The following PTPRK variants were observed in gnomAD, a reference collection of about 807,000 sequenced individuals.
The protein encoded by PTPRK is receptor-type tyrosine-protein phosphatase kappa.
In PTPRK, 75 loss-of-function variants were observed where a neutral mutation model predicts 178.0. The ratio of observed to expected loss-of-function variants is 0.42; its 90% confidence interval spans 0.35 to 0.51. PTPRK has a LOEUF of 0.51. Among genes scored for constraint, PTPRK ranks in the 20% least tolerant of loss-of-function variants. The pLI is 0.02. For synonymous variants in PTPRK, 637 were observed against 620.6 expected (o/e 1.03, Z -0.39); for missense variants, 1,441 against 1,797.8 (o/e 0.80, Z 3.59).
chr6:128,092,826 C>G (rs1229055074), intron 7 of PTPRK, among the ~76,000 whole-genome samples: 1 of 152,122 alleles, frequency 6.6e-6, no homozygotes, highest in South Asian at 2.1e-4. Context: ...CCAACAACTG[C>G]ATTGTATTTC....
rs183471790 is a variant in PTPRK at position 128,046,256 on chromosome 6, G to C, written c.2194+18502C>G. 2.8e-3 allele frequency among the ~76,000 whole-genome samples: 421 copies of C among 152,236 alleles called. 3 individuals carry two copies. In the South Asian group the frequency reaches 0.032, roughly 11 times the overall value. On this transcript the variant is annotated intron_variant, in intron 13 of 29. Transcript: ENST00000368226. ...TCAGGAAAAGAAAAACCTTAAATCA[G>C]ATTAATTTTTGACAACTTGTGCATA...
chr6:128,041,702 C>T (rs1297163686), intron 13 of PTPRK, among the ~76,000 whole-genome samples: 4 of 151,584 alleles, frequency 2.6e-5, no homozygotes, highest in African/African-American at 9.7e-5. Flanking sequence ...TGAACTGCCA[C>T]TACATATAGA....
intron 3 of PTPRK, among the ~76,000 whole-genome samples, chr6:128,284,996 A>G (rs1466232934): frequency 3.3e-5 from 5 of 152,210 alleles, no homozygotes; most frequent in Non-Finnish European, 5.9e-5. Context: ...AAAAGAATAT[A>G]AAGTTGAATG....
At chr6:128,518,687 T>C (rs1858466075) in intron 1 of PTPRK, among the ~76,000 whole-genome samples, 1 of 152,242 alleles carries the variant, frequency 6.6e-6, no homozygotes, top group Non-Finnish European at 1.5e-5. Context: ...CAGAAATGCA[T>C]GCAGTAATGC....
Position 127,998,871 on chromosome 6 carries a change from C to T in PTPRK, c.2528G>A (p.Arg843His), listed in dbSNP as rs201761262. The change falls in exon 16 of 30, where the codon CGC (arginine) becomes CAC (histidine). Residue 843 changes from arginine (R) to histidine (H), a missense_variant. By Grantham distance (29) the Arg-to-His change is conservative. Coordinates refer to ENST00000368226, the MANE Select transcript of PTPRK (RefSeq NM_002844.4). The stretch of plus-strand genomic sequence containing the variant: ...GAGGTAGCGAGGTACGTCTAGAAGG[C>T]GACTGGACTCTGCTGTAGCACTGTG... ...ENHSATAESS[R>H]LLDVPRYLCE... 87 of 1,586,164 alleles carry T rather than the reference C, an allele frequency of 5.5e-5. No homozygotes were observed. The East Asian group carries it at 5.9e-4, about 11-fold the overall frequency.
intron 2 of PTPRK, among the ~76,000 whole-genome samples, chr6:128,361,658 G>A (rs1291062964): frequency 6.6e-6 from 1 of 152,024 alleles, no homozygotes; most frequent in East Asian, 1.9e-4. Context: ...GCATGGTGCT[G>A]TACTGAATAC....
chr6:127,977,617 C>T (rs1350282473), intron 25 of PTPRK, among the ~76,000 whole-genome samples: 5 of 152,194 alleles, frequency 3.3e-5, no homozygotes, highest in Non-Finnish European at 7.3e-5. Flanking sequence ...ATATTCTGCA[C>T]ATCTTGCAGA....
chr6:128,047,706 C>T (rs1055962632), intron 13 of PTPRK, among the ~76,000 whole-genome samples: 1 of 152,044 alleles, frequency 6.6e-6, no homozygotes, highest in African/African-American at 2.4e-5. Flanking sequence ...AATACCTGAA[C>T]CTTTACACTA....
At chr6:128,235,787 C>T (rs1813140590) in intron 5 of PTPRK, among the ~76,000 whole-genome samples, 1 of 152,052 alleles carries the variant, frequency 6.6e-6, no homozygotes, top group East Asian at 1.9e-4. Context: ...GCAGATGAAC[C>T]TCCTTCTGAC....
intron 3 of PTPRK, among the ~76,000 whole-genome samples, chr6:128,285,814 AAAATAAAT>A (rs200532531): frequency 6.6e-6 from 1 of 151,690 alleles, no homozygotes; most frequent in Admixed American, 6.6e-5. Flanking sequence ...AAAAGTCTCC[AAAATAAAT>A]AAATAAATAA....
At chr6:128,260,909 G>A (rs1241955355) in intron 3 of PTPRK, among the ~76,000 whole-genome samples, 1 of 152,114 alleles carries the variant, frequency 6.6e-6, no homozygotes, top group Non-Finnish European at 1.5e-5. Context: ...TGTCCTCTAA[G>A]ATCTGAAAAT....
At chr6:128,366,279 A>G (rs1213735444) in intron 2 of PTPRK, among the ~76,000 whole-genome samples, 1 of 152,178 alleles carries the variant, frequency 6.6e-6, no homozygotes. Flanking sequence ...ACGGAAAAAC[A>G]CTGTAGTTAT....
chr6:128,236,968 AATT>A (rs1359235423), intron 5 of PTPRK, among the ~76,000 whole-genome samples: 2 of 152,132 alleles, frequency 1.3e-5, no homozygotes, highest in Non-Finnish European at 2.9e-5. Flanking sequence ...TGCATTTTTC[AATT>A]TACTCAATTT....
intron 6 of PTPRK, among the ~76,000 whole-genome samples, chr6:128,194,392 A>C (rs7759340): frequency 0.029 from 4,373 of 152,130 alleles, 146 homozygotes; most frequent in African/African-American, 0.081. Context: ...GGCCAATTAT[A>C]GCAATAATTT....
intron 6 of PTPRK, among the ~76,000 whole-genome samples, chr6:128,204,917 A>G (rs1351902435): frequency 6.6e-6 from 1 of 152,206 alleles, no homozygotes; most frequent in Non-Finnish European, 1.5e-5. Context: ...TACTGGGTAT[A>G]TACCCAAAAG....
intron 2 of PTPRK, among the ~76,000 whole-genome samples, chr6:128,388,852 C>G (rs1462048266): frequency 6.6e-6 from 1 of 152,072 alleles, no homozygotes; most frequent in Non-Finnish European, 1.5e-5. Flanking sequence ...TAAGTCTGAC[C>G]TAACATGGAT....
intron 7 of PTPRK, among the ~76,000 whole-genome samples, chr6:128,182,958 G>A (rs955199786): frequency 6.6e-6 from 1 of 152,054 alleles, no homozygotes; most frequent in Non-Finnish European, 1.5e-5. Flanking sequence ...AGTAGTTTGG[G>A]CACAGGAAGT....
chr6:128,230,574 C>T (rs1357423119), intron 5 of PTPRK, among the ~76,000 whole-genome samples: 1 of 152,042 alleles, frequency 6.6e-6, no homozygotes, highest in African/African-American at 2.4e-5. Flanking sequence ...GTATTCTATA[C>T]CTACGTTTTA....
At chr6:128,108,233 C>T (rs912897928) in intron 7 of PTPRK, among the ~76,000 whole-genome samples, 20 of 151,656 alleles carry the variant, frequency 1.3e-4, no homozygotes, top group African/African-American at 3.4e-4. Context: ...CCTCATATGA[C>T]GCTAAAATAA....
Sources: gnomAD v4.1 joint callset for allele counts (sites outside exome capture counted in the v4.1 genomes callset) on GRCh38, gnomAD v4.1.1 for gene constraint, MANE v1.5 for transcripts, NCBI Gene and HGNC (gene_info 2026-07-23, HGNC 2026-07-21) for gene names.